Variants in TMEM132B observed in about 807,000 individuals in gnomAD.
The protein encoded by TMEM132B is transmembrane protein 132B.
Under a neutral mutation model 90.8 loss-of-function variants are expected in TMEM132B, and 18 were observed. That is an observed-to-expected ratio of 0.20 (90% CI 0.14 to 0.29). The LOEUF (loss-of-function observed/expected upper bound fraction) is 0.29. Ranked by LOEUF, TMEM132B falls within the 10% of genes least tolerant of loss-of-function variation. The pLI is 1.00. For missense variants in TMEM132B, 1,096 were observed against 1,326.8 expected (o/e 0.83, Z 2.70); for synonymous variants, 504 against 523.3 (o/e 0.96, Z 0.50).
At chr12:125,542,432 A>G (rs548958759) in intron 4 of TMEM132B, among the ~76,000 whole-genome samples, 2 of 152,178 alleles carry the variant, frequency 1.3e-5, no homozygotes, top group Admixed American at 6.5e-5. Context: ...CATCACTACC[A>G]TCCATCTCCA....
intron 4 of TMEM132B, among the ~76,000 whole-genome samples, chr12:125,533,666 G>GCCCTC (rs71447047): frequency 0.35 from 52,520 of 151,694 alleles, 10,049 homozygotes; most frequent in East Asian, 0.51. Flanking sequence ...CAGGCCGCGC[G>GCCCTC]CCCTCCCCTC....
chr12:125,581,714 A>ATTT (rs35702958), intron 4 of TMEM132B, among the ~76,000 whole-genome samples: 1 of 146,760 alleles, frequency 6.8e-6, no homozygotes, highest in African/African-American at 2.5e-5. Context: ...ACCTGTACTG[A>ATTT]TTTTTTTTTT....
At chr12:125,620,931 C>G (rs1474168116) in intron 5 of TMEM132B, among the ~76,000 whole-genome samples, 1 of 152,188 alleles carries the variant, frequency 6.6e-6, no homozygotes, top group Non-Finnish European at 1.5e-5. Context: ...AACTACAATT[C>G]AAGTTGAGAT....
At chr12:125,197,345 A>G (rs1017345046) in intron 1 of TMEM132B, among the ~76,000 whole-genome samples, 7 of 152,172 alleles carry the variant, frequency 4.6e-5, no homozygotes, top group Admixed American at 3.9e-4. Flanking sequence ...GGTCTGTGTC[A>G]ATCAAATTTT....
At chr12:125,352,412 T>C (rs1877618926) in intron 2 of TMEM132B, among the ~76,000 whole-genome samples, 1 of 152,248 alleles carries the variant, frequency 6.6e-6, no homozygotes, top group Admixed American at 6.5e-5. Context: ...AGGCTGTCTT[T>C]TCCTAATTTT....
chr12:125,522,059 G>T (rs865379), intron 4 of TMEM132B, among the ~76,000 whole-genome samples: 4 of 152,024 alleles, frequency 2.6e-5, no homozygotes, highest in African/African-American at 9.7e-5. Context: ...GCCAAGTCTC[G>T]TTCCTCTCAG....
intron 1 of TMEM132B, among the ~76,000 whole-genome samples, chr12:125,291,907 A>T (rs1362407150): frequency 6.6e-6 from 1 of 151,898 alleles, no homozygotes; most frequent in African/African-American, 2.4e-5. Flanking sequence ...CCAAATTGAA[A>T]CTCTGTCTGT....
intron 4 of TMEM132B, among the ~76,000 whole-genome samples, chr12:125,519,987 C>A (rs1004454422): frequency 1.1e-4 from 16 of 152,140 alleles, no homozygotes; most frequent in Non-Finnish European, 2.4e-4. Flanking sequence ...AGTAACTGAC[C>A]CCTTGTCAAT....
intron 2 of TMEM132B, among the ~76,000 whole-genome samples, chr12:125,411,411 G>A (rs1879834976): frequency 6.6e-6 from 1 of 151,706 alleles, no homozygotes; most frequent in African/African-American, 2.4e-5. Context: ...AATACCTAAT[G>A]TAGATGACAG....
chr12:125,566,994 C>T (rs181114989), intron 4 of TMEM132B, among the ~76,000 whole-genome samples: 63 of 152,120 alleles, frequency 4.1e-4, no homozygotes, highest in African/African-American at 1.3e-3. Context: ...CAGGTGCCCA[C>T]CACCACACCG....
In TMEM132B at chr12:125,475,605, C is replaced by T. The variant is rs531617435; in HGVS notation, c.1107-43834C>T. ...AACCTCCCAGCCTACATCTTTCTCCCGTGCTGGATGTTTCCTGCCCTTGAA... is the reference window on the plus strand; with the variant it reads ...AACCTCCCAGCCTACATCTTTCTCCTGTGCTGGATGTTTCCTGCCCTTGAA... On this transcript the variant is annotated intron_variant, in intron 3 of 8. Coordinates refer to ENST00000682704, the MANE Select transcript of TMEM132B (RefSeq NM_001366854.1). Among the ~76,000 whole-genome samples, 165 of 152,306 alleles carry T rather than the reference C, an allele frequency of 1.1e-3. 2 individuals carry two copies. Among genetic ancestry groups the T allele is most frequent in the African/African-American group, 2.8e-3 (115 of 41,560 alleles).
At chr12:125,434,237 C>T (rs56173764) in intron 3 of TMEM132B, among the ~76,000 whole-genome samples, 2,044 of 152,268 alleles carry the variant, frequency 0.013, 44 homozygotes, top group African/African-American at 0.047. Flanking sequence ...CCTGACGCTC[C>T]TGTCCCCCTC....
intron 1 of TMEM132B, among the ~76,000 whole-genome samples, chr12:125,329,560 GGAT>G (rs1876700976): frequency 6.6e-6 from 1 of 152,182 alleles, no homozygotes; most frequent in South Asian, 2.1e-4. Context: ...GACTTGAGGA[GGAT>G]GATAAGGTCT....
intron 1 of TMEM132B, among the ~76,000 whole-genome samples, chr12:125,236,699 C>T (rs1047445819): frequency 1.3e-5 from 2 of 152,224 alleles, no homozygotes; most frequent in African/African-American, 4.8e-5. Context: ...CTGGCCCCAC[C>T]TGATGTATCC....
chr12:125,566,835 CTTTTTTTTTTTTTT>C (rs869196346), intron 4 of TMEM132B, among the ~76,000 whole-genome samples: 1 of 78,738 alleles, frequency 1.3e-5, no homozygotes, highest in Non-Finnish European at 2.2e-5. Context: ...TCTTCTTCTT[CTTTTTTTTTTTTTT>C]TTTTTTTTTT....
At chr12:125,393,974 C>G (rs1879101218) in intron 2 of TMEM132B, among the ~76,000 whole-genome samples, 2 of 152,186 alleles carry the variant, frequency 1.3e-5, no homozygotes, top group South Asian at 4.1e-4. Flanking sequence ...TAATGCTGTT[C>G]ATAGCTTTCA....
chr12:125,500,297 G>T (rs1297640238), intron 3 of TMEM132B, among the ~76,000 whole-genome samples: 11 of 152,236 alleles, frequency 7.2e-5, no homozygotes, highest in Non-Finnish European at 4.4e-5. Context: ...GGCATTTCAG[G>T]CTGGGGGAAT....
At chr12:125,542,261 G>A (rs1439615991) in intron 4 of TMEM132B, among the ~76,000 whole-genome samples, 1 of 152,150 alleles carries the variant, frequency 6.6e-6, no homozygotes, top group African/African-American at 2.4e-5. Context: ...GAGTCTGCTA[G>A]GGTAGAGGTC....
chr12:125,612,876 G>T (rs12307129), intron 5 of TMEM132B, among the ~76,000 whole-genome samples: 5 of 11,906 alleles, frequency 4.2e-4, no homozygotes, highest in Non-Finnish European at 1.5e-3. Context: ...AAATATATAT[G>T]ATATATATTT....
Sources: gnomAD v4.1 joint callset for allele counts (sites outside exome capture counted in the v4.1 genomes callset) on GRCh38, gnomAD v4.1.1 for gene constraint, MANE v1.5 for transcripts, NCBI Gene and HGNC (gene_info 2026-07-23, HGNC 2026-07-21) for gene names.